Variants in SHOC1 observed in about 807,000 individuals in gnomAD.
The protein encoded by SHOC1 is shortage in chiasmata 1, also known as protein shortage in chiasmata 1 ortholog.
In SHOC1, 136 loss-of-function variants were observed where a neutral mutation model predicts 179.2. The ratio of observed to expected loss-of-function variants is 0.76; its 90% CI spans 0.66 to 0.87. SHOC1 has a LOEUF of 0.87. Among genes scored for constraint, SHOC1 ranks in the 40% least tolerant of loss-of-function variants. The pLI, the probability that SHOC1 is intolerant of heterozygous loss-of-function variation, is 0.00. For synonymous variants in SHOC1, 489 were observed against 586.6 expected (o/e 0.83, Z 2.41); for missense variants, 1,538 against 1,700.8 (o/e 0.90, Z 1.68).
At chr9:111,749,620 C>T (rs908494761) in intron 8 of SHOC1, among the ~76,000 whole-genome samples, 3 of 152,042 alleles carry the variant, frequency 2.0e-5, no homozygotes, top group Admixed American at 6.6e-5. Context: ...ATCTCATCAC[C>T]GAGGTATTAA....
chr9:111,746,072 C>A (rs1834263361), intron 10 of SHOC1, among the ~76,000 whole-genome samples, 162 bp downstream of exon 10: 2 of 152,106 alleles, frequency 1.3e-5, no homozygotes, highest in South Asian at 4.1e-4. Context: ...CAAATATATA[C>A]ATAAATTTAT....
At chr9:111,779,114 A>AAGAG (rs201917801) in intron 4 of SHOC1, among the ~76,000 whole-genome samples, 8 of 129,816 alleles carry the variant, frequency 6.2e-5, no homozygotes, top group Admixed American at 2.3e-4. Flanking sequence ...AAAAAAAAAA[A>AAGAG]AGAGAGAGAG....
chr9:111,756,246 A>AT, intron 8 of SHOC1, 79 bp downstream of exon 8: 2 of 1,212,532 alleles, frequency 1.6e-6, no homozygotes, highest in Non-Finnish European at 1.1e-6. Context: ...GTTCAGAAAA[A>AT]TTTTAATAAA....
rs574228703 is a variant in SHOC1, at chr9:111,719,027, C to T, written c.2132-739G>A. 2.0e-5 allele frequency among the ~76,000 whole-genome samples: 3 copies of T among 152,196 alleles called. No individual in the cohort carries two copies. In the East Asian group the frequency reaches 5.8e-4, roughly 29 times the overall value. The stretch of plus-strand genomic sequence containing the variant: ...GCTAAAAAGTTTGCAAATTGATGAT[C>T]TATTCAATGAAGATCAAGGCAAATA... On this transcript the variant is annotated intron_variant, in intron 15 of 27. Coordinates refer to ENST00000682961, the MANE Select transcript of SHOC1 (RefSeq NM_001378211.1).
intron 5 of SHOC1, among the ~76,000 whole-genome samples, chr9:111,761,274 G>A (rs2131578493): frequency 6.6e-6 from 1 of 152,320 alleles, no homozygotes; most frequent in African/African-American, 2.4e-5. Flanking sequence ...GGCTGAAGTG[G>A]GCAGATCACT....
At position 111,788,398 on chromosome 9, in the gene SHOC1, C is replaced by T. The variant is rs116271741; in HGVS notation, c.46-2363G>A. ...CTGATCTCAGGTGATCTGCCCGCCT[C>T]AGCCCCCCAATTATAAACATAAATT... On this transcript the variant is annotated intron_variant, in intron 2 of 27. Transcript: ENST00000682961. Among the ~76,000 whole-genome samples the T allele has an allele frequency of 7.8e-3, 1,193 of 152,274 alleles. 16 individuals carry two copies. Among genetic ancestry groups the T allele is most frequent in the African/African-American group, 0.025 (1,047 of 41,564 alleles).
At chr9:111,783,857 C>T (rs1836169198) in intron 3 of SHOC1, among the ~76,000 whole-genome samples, 1 of 152,132 alleles carries the variant, frequency 6.6e-6, no homozygotes, top group Non-Finnish European at 1.5e-5. Context: ...TCCCGTAAGG[C>T]TCAGGAAAGC....
Position 111,781,198 on chromosome 9 carries a change from C to T in SHOC1, c.170-181G>A, listed in dbSNP as rs140186446. The T allele has an allele frequency of 4.7e-3, 2,708 of 574,948 alleles. 50 individuals are homozygous for T. The highest frequency in any genetic ancestry group is 0.027 in the South Asian group (1,263 of 46,204). 35.6% of individuals were successfully genotyped at this position (574,948 alleles called of 1,614,324 possible). A position where few individuals can be genotyped will look rare whatever the true frequency, so the allele number is the denominator to read the frequency against. On this transcript the variant is annotated intron_variant, in intron 3 of 27. Coordinates refer to ENST00000682961, the MANE Select transcript of SHOC1 (RefSeq NM_001378211.1). ...CATCCTCATTATCATCAACCTACCCCCGCCCCTCAATCAACTACAGTTAGA... is the reference window on the plus strand; with the variant it reads ...CATCCTCATTATCATCAACCTACCCTCGCCCCTCAATCAACTACAGTTAGA...
At chr9:111,750,396 G>A (rs998458420) in intron 8 of SHOC1, among the ~76,000 whole-genome samples, 51 of 151,956 alleles carry the variant, frequency 3.4e-4, no homozygotes, top group African/African-American at 7.5e-4. Flanking sequence ...GTGCAATGGC[G>A]TGGTCTTAGC....
At chr9:111,770,920 G>A (rs1835580960) in intron 5 of SHOC1, among the ~76,000 whole-genome samples, 1 of 152,192 alleles carries the variant, frequency 6.6e-6, no homozygotes, top group African/African-American at 2.4e-5. Context: ...AGTGAAGAGA[G>A]TTTCTTGAAG....
chr9:111,728,192 A>G, intron 12 of SHOC1, 143 bp from the exon 13 acceptor site: 2 of 587,724 alleles, frequency 3.4e-6, no homozygotes, highest in South Asian at 8.6e-5. Context: ...TTGAAAATCA[A>G]TTTTTGGTCT....
chr9:111,730,718 G>A (rs1833526133), intron 12 of SHOC1, among the ~76,000 whole-genome samples: 1 of 152,182 alleles, frequency 6.6e-6, no homozygotes, highest in Non-Finnish European at 1.5e-5. Flanking sequence ...AGGATTTTCA[G>A]AATGGTAAAT....
chr9:111,723,532 CAGAT>C (rs1011811591), intron 14 of SHOC1, among the ~76,000 whole-genome samples: 3 of 152,092 alleles, frequency 2.0e-5, no homozygotes, highest in African/African-American at 4.8e-5. Context: ...CAGTTGTTCT[CAGAT>C]TGATATAGGG....
chr9:111,699,562 G>C (rs1395237361), intron 24 of SHOC1, among the ~76,000 whole-genome samples: 1 of 152,144 alleles, frequency 6.6e-6, no homozygotes, highest in Non-Finnish European at 1.5e-5. Context: ...ACTGAAAAAG[G>C]GGGCCAAGGG....
intron 7 of SHOC1, among the ~76,000 whole-genome samples, chr9:111,757,620 G>T (rs150629108): frequency 6.6e-6 from 1 of 152,130 alleles, no homozygotes; most frequent in African/African-American, 2.4e-5. Flanking sequence ...TTAAACACTG[G>T]CAGAAAACTA....
chr9:111,793,257 T>A (rs1836510552), intron 1 of SHOC1, among the ~76,000 whole-genome samples: 1 of 152,200 alleles, frequency 6.6e-6, no homozygotes, highest in African/African-American at 2.4e-5. Flanking sequence ...AAAAACTGAT[T>A]GTCTCATTCT....
At chr9:111,781,937 A>G (rs76071804) in intron 3 of SHOC1, among the ~76,000 whole-genome samples, 4,495 of 152,168 alleles carry the variant, frequency 0.03, 74 homozygotes, top group South Asian at 0.051. Context: ...ATTGAAAAAC[A>G]TGAAAAAAAA....
intron 5 of SHOC1, among the ~76,000 whole-genome samples, chr9:111,772,255 A>G (rs1451724555): frequency 6.6e-6 from 1 of 152,114 alleles, no homozygotes; most frequent in East Asian, 1.9e-4. Context: ...GAGTTTTTAA[A>G]GTTAACTTTA....
At chr9:111,748,812 CT>C (rs1172972646) in intron 8 of SHOC1, among the ~76,000 whole-genome samples, 1 of 108,834 alleles carries the variant, frequency 9.2e-6, no homozygotes, top group Non-Finnish European at 1.7e-5. Flanking sequence ...TCCTTCCTTC[CT>C]TCCTCCCTCC....
Sources: allele counts gnomAD v4.1 joint callset (sites outside exome capture counted in the v4.1 genomes callset), GRCh38; gene constraint gnomAD v4.1.1; transcripts MANE v1.5; gene names NCBI Gene and HGNC (gene_info 2026-07-23, HGNC 2026-07-21).